Variants in AGMO observed in about 807,000 individuals in gnomAD.
The protein encoded by AGMO is alkylglycerol monooxygenase.
In AGMO, 75 loss-of-function variants were observed where a neutral mutation model predicts 60.2. The observed-to-expected ratio is 1.25, with a 90% CI of 1.03 to 1.51. AGMO has a LOEUF of 1.51. Among genes scored for constraint, AGMO ranks in the 40% most tolerant of loss-of-function variants. AGMO has a pLI of 0.00. For missense variants in AGMO, 763 were observed against 525.5 expected, an observed-to-expected ratio of 1.45 and a Z score of -4.42; for synonymous variants, 261 against 177.1, an observed-to-expected ratio of 1.47 and a Z score of -3.76.
intron 12 of AGMO, among the ~76,000 whole-genome samples, chr7:15,203,067 G>C (rs1781346564): frequency 6.6e-6 from 1 of 152,064 alleles, no homozygotes. Flanking sequence ...AGCTATATTT[G>C]GCACTAGAAG....
chr7:15,128,959 A>T, the AGMO span, among the ~76,000 whole-genome samples: 2 of 152,076 alleles, frequency 1.3e-5, no homozygotes, highest in Non-Finnish European at 2.9e-5. Flanking sequence ...CAAGAGCTTT[A>T]TAGTGAAAAA....
At chr7:15,376,421 C>CAT (rs1313734858) in intron 10 of AGMO, among the ~76,000 whole-genome samples, 1 of 151,912 alleles carries the variant, frequency 6.6e-6, no homozygotes, top group Non-Finnish European at 1.5e-5. Flanking sequence ...AAAACGCCAA[C>CAT]ATGAAAATAT....
chr7:15,473,117 C>A (rs919432451), intron 3 of AGMO, among the ~76,000 whole-genome samples: 1 of 151,874 alleles, frequency 6.6e-6, no homozygotes, highest in Non-Finnish European at 1.5e-5. Flanking sequence ...ATACTATAAA[C>A]ACTTCTACGC....
intron 5 of AGMO, chr7:15,396,379 T>G (rs2128487891): frequency 6.6e-6 from 1 of 152,352 alleles, no homozygotes; most frequent in Admixed American, 6.5e-5. Flanking sequence ...AGTGTTACAG[T>G]TCGTAAAAGT....
At position 15,387,544 on chromosome 7, in the gene AGMO, G is replaced by A. The variant is rs755323959; in HGVS notation, c.823-4C>T. 4 of 1,586,682 alleles carry A rather than the reference G, an allele frequency of 2.5e-6. No homozygotes were observed. Among genetic ancestry groups the A allele is most frequent in the Admixed American group, 1.8e-5 (1 of 55,052 alleles). On this transcript the variant is annotated splice_polypyrimidine_tract_variant and splice_region_variant and intron_variant, in intron 8 of 12. Transcript: ENST00000342526. Reference sequence around the variant, plus strand: ...ATATGGAAAATAAGTGATGGAACTAGAAACAATAAAAAAAGAGCTTATTTC... The same window carrying A: ...ATATGGAAAATAAGTGATGGAACTAAAAACAATAAAAAAAGAGCTTATTTC...
chr7:15,507,370 T>C lies in AGMO; in HGVS notation c.409+37402A>G, dbSNP rs1783541759. Among the ~76,000 whole-genome samples the C allele has an allele frequency of 2.6e-5, 4 of 152,136 alleles. No homozygotes were observed. The South Asian group carries it at 8.3e-4, about 32-fold the overall frequency. On this transcript the variant is annotated intron_variant, in intron 3 of 12. Transcript: ENST00000342526. ...GAAAGAAAACAACACTACGGCTCAA[T>C]TTATCTTGTCCACAAAGTCAAACTT...
intron 3 of AGMO, among the ~76,000 whole-genome samples, chr7:15,507,873 A>G (rs1244190646): frequency 1.3e-5 from 2 of 152,076 alleles, no homozygotes; most frequent in African/African-American, 4.8e-5. Context: ...GGTTTGCTTC[A>G]CACTAATTTT....
At chr7:15,390,307 A>C (rs1297971916) in intron 8 of AGMO, among the ~76,000 whole-genome samples, 1 of 152,152 alleles carries the variant, frequency 6.6e-6, no homozygotes, top group Non-Finnish European at 1.5e-5. Flanking sequence ...AGAGTCATGC[A>C]CCCTGGAAGC....
the AGMO span, among the ~76,000 whole-genome samples, chr7:15,194,595 G>A: frequency 1.3e-5 from 2 of 152,040 alleles, no homozygotes; most frequent in Non-Finnish European, 2.9e-5. Context: ...TAATATCACT[G>A]ATCTTCCCCC....
intron 5 of AGMO, 130 bp from the exon 6 acceptor site, chr7:15,394,309 GA>G: frequency 1.4e-6 from 1 of 698,258 alleles, no homozygotes. Flanking sequence ...TCAGAGAGTG[GA>G]AAAAAGTTCC....
intron 3 of AGMO, among the ~76,000 whole-genome samples, chr7:15,529,655 T>TCTATATACAGAATATATATATA (rs1784239719): frequency 1.4e-4 from 1 of 7,204 alleles, no homozygotes; most frequent in Non-Finnish European, 2.4e-4. Context: ...TACTATATAT[T>TCTATATACAGAATATATATATA]CTATATATAT....
At chr7:15,123,022 C>T in the AGMO span, among the ~76,000 whole-genome samples, 8 of 152,236 alleles carry the variant, frequency 5.3e-5, no homozygotes, top group South Asian at 1.2e-3. Flanking sequence ...CCCTGTCATG[C>T]TTTCTTTTCT....
intron 12 of AGMO, among the ~76,000 whole-genome samples, chr7:15,293,280 C>T (rs1784324248): frequency 6.6e-6 from 1 of 152,050 alleles, no homozygotes; most frequent in Non-Finnish European, 1.5e-5. Flanking sequence ...GATTTACCTA[C>T]CCAGAAGCTG....
intron 12 of AGMO, among the ~76,000 whole-genome samples, chr7:15,357,650 A>C (rs569944758): frequency 3.3e-5 from 5 of 152,208 alleles, no homozygotes; most frequent in Non-Finnish European, 7.3e-5. Context: ...CAGATTTTGC[A>C]ACTGCAATGT....
chr7:15,195,527 T>C (rs1781097538), downstream of AGMO, among the ~76,000 whole-genome samples: 1 of 152,242 alleles, frequency 6.6e-6, no homozygotes, highest in Non-Finnish European at 1.5e-5. Flanking sequence ...ATGGGTTTTG[T>C]ACTTGGCTGG....
intron 12 of AGMO, among the ~76,000 whole-genome samples, chr7:15,267,713 TCAGAAA>T (rs1783475247): frequency 6.6e-6 from 1 of 151,882 alleles, no homozygotes; most frequent in Admixed American, 6.6e-5. Context: ...GCACATATGC[TCAGAAA>T]CAGAAACTGG....
chr7:15,320,126 G>A (rs188937410), intron 12 of AGMO, among the ~76,000 whole-genome samples: 1 of 151,704 alleles, frequency 6.6e-6, no homozygotes, highest in East Asian at 1.9e-4. Flanking sequence ...GGTGGGGGAG[G>A]GGGAAGGGAT....
chr7:15,330,665 C>G (rs950635247), intron 12 of AGMO, among the ~76,000 whole-genome samples: 12 of 152,110 alleles, frequency 7.9e-5, no homozygotes, highest in African/African-American at 2.9e-4. Context: ...GAAATACATT[C>G]TTACATACTT....
intron 3 of AGMO, among the ~76,000 whole-genome samples, chr7:15,487,244 A>C (rs1470566168): frequency 6.6e-6 from 1 of 152,174 alleles, no homozygotes; most frequent in African/African-American, 2.4e-5. Context: ...ATGTAAATGT[A>C]AAACAAAATA....
Sources: gnomAD v4.1 joint callset for allele counts (sites outside exome capture counted in the v4.1 genomes callset) on GRCh38, gnomAD v4.1.1 for gene constraint, MANE v1.5 for transcripts, NCBI Gene and HGNC (gene_info 2026-07-23, HGNC 2026-07-21) for gene names.